FMN1: variants seen among roughly 807,000 people sequenced by gnomAD.
FMN1 encodes the protein formin-1.
A neutral mutation model predicts 132.4 loss-of-function variants in FMN1; 110 were observed. The observed-to-expected ratio is 0.83, with a 90% CI of 0.71 to 0.97. FMN1 has a LOEUF of 0.97. Ranked by LOEUF, FMN1 falls within the 50% of genes least tolerant of loss-of-function variation. The probability of loss-of-function intolerance (pLI) is 0.00; values close to 1 mark genes in which losing one functional copy is unlikely to be tolerated. For missense variants in FMN1, 1,792 were observed against 1,705.3 expected, an observed-to-expected ratio of 1.05 and a Z score of -0.90; for synonymous variants, 722 against 651.7, an observed-to-expected ratio of 1.11 and a Z score of -1.64.
chr15:32,897,471 C>T (rs936162388), intron 15 of FMN1, among the ~76,000 whole-genome samples: 2 of 151,992 alleles, frequency 1.3e-5, no homozygotes, highest in African/African-American at 4.8e-5. Flanking sequence ...TATAAAAAGG[C>T]TAGAGACAAA....
At chr15:32,936,516 C>T (rs1357295288) in intron 9 of FMN1, among the ~76,000 whole-genome samples, 2 of 152,118 alleles carry the variant, frequency 1.3e-5, no homozygotes, top group African/African-American at 4.8e-5. Flanking sequence ...GTCTATGGTA[C>T]TGCAGTTTCT....
chr15:32,770,216 G>A lies in FMN1; in HGVS notation c.*4094C>T, dbSNP rs1282042142. On this transcript the variant is annotated 3_prime_UTR_variant, in exon 21 of 21. Coordinates refer to ENST00000616417, the MANE Select transcript of FMN1 (RefSeq NM_001277313.2). ...CGGTCAATGTTACAGCCTGGTTCCT[G>A]GAAAAAGAGCCTGCAAGCGTGCATT... 6.6e-6 allele frequency: 1 copy of A among 152,100 alleles called. No homozygotes were observed. Among genetic ancestry groups the A allele is most frequent in the Admixed American group, 6.6e-5 (1 of 15,266 alleles). The allele number at this position is 152,100 out of a possible 1,614,324, so 9.4% of individuals were successfully genotyped here.
At chr15:32,806,173 G>A (rs2141016060) in intron 17 of FMN1, among the ~76,000 whole-genome samples, 1 of 152,262 alleles carries the variant, frequency 6.6e-6, no homozygotes, top group East Asian at 1.9e-4. Context: ...GGGCTACAAT[G>A]ATGTAAAATG....
chr15:32,802,047 G>T (rs2057499414), intron 18 of FMN1, among the ~76,000 whole-genome samples: 1 of 152,168 alleles, frequency 6.6e-6, no homozygotes, highest in Admixed American at 6.5e-5. Flanking sequence ...CTAATATACA[G>T]GAAACAAAGG....
chr15:33,001,212 G>A (rs1018780930), intron 7 of FMN1, among the ~76,000 whole-genome samples: 1 of 152,176 alleles, frequency 6.6e-6, no homozygotes, highest in African/African-American at 2.4e-5. Context: ...AAATCTGGGA[G>A]GCGGAGGTTG....
intron 6 of FMN1, among the ~76,000 whole-genome samples, chr15:33,052,003 A>G (rs1566868785): frequency 6.6e-6 from 1 of 152,110 alleles, no homozygotes; most frequent in Non-Finnish European, 1.5e-5. Context: ...TTCGTCTCTC[A>G]CTCTGCTGCC....
intron 10 of FMN1, among the ~76,000 whole-genome samples, chr15:32,918,142 T>C (rs1464885928): frequency 1.3e-5 from 2 of 152,098 alleles, no homozygotes; most frequent in Admixed American, 6.5e-5. Flanking sequence ...GAAAATACCT[T>C]ACCTTAAATA....
At chr15:33,094,431 G>T (rs1328042962) in intron 4 of FMN1, among the ~76,000 whole-genome samples, 1 of 152,148 alleles carries the variant, frequency 6.6e-6, no homozygotes. Flanking sequence ...TTTTGTCAGA[G>T]AAGATAAGGA....
At chr15:33,188,057 G>A (rs998518272) in intron 2 of FMN1, among the ~76,000 whole-genome samples, 8 of 152,110 alleles carry the variant, frequency 5.3e-5, no homozygotes, top group East Asian at 3.9e-4. Context: ...AACTTTGGCC[G>A]GGCACGGTGG....
chr15:33,061,323 G>C (rs536629895), intron 6 of FMN1, among the ~76,000 whole-genome samples: 2 of 152,158 alleles, frequency 1.3e-5, no homozygotes, highest in South Asian at 4.2e-4. Flanking sequence ...GAGCACATTA[G>C]ATTTCTAAGA....
rs1175252763 is a variant in FMN1, at chr15:32,963,418, C to T, written c.3138+689G>A. Among the ~76,000 whole-genome samples, 7 of 151,690 alleles carry T rather than the reference C, an allele frequency of 4.6e-5. No homozygotes were observed. In the South Asian group the frequency reaches 6.2e-4, roughly 14 times the overall value. ...CTAGATGACGCGTTAGTGGGTGCAG[C>T]GCACCAGCATGGCACATGTATACAT... On this transcript the variant is annotated intron_variant, in intron 9 of 20. Coordinates refer to ENST00000616417, the MANE Select transcript of FMN1 (RefSeq NM_001277313.2).
chr15:32,901,418 C>G (rs1026182431), intron 13 of FMN1, among the ~76,000 whole-genome samples: 2 of 152,184 alleles, frequency 1.3e-5, no homozygotes, highest in Admixed American at 6.5e-5. Flanking sequence ...TAGAATTTAA[C>G]CTTATAATGA....
chr15:33,021,504 G>C (rs543721161), intron 6 of FMN1, among the ~76,000 whole-genome samples: 1 of 152,144 alleles, frequency 6.6e-6, no homozygotes, highest in Non-Finnish European at 1.5e-5. Context: ...TGGGAGACAT[G>C]AATAGGCTTA....
chr15:33,168,046 A>C (rs1965178137), intron 3 of FMN1, among the ~76,000 whole-genome samples: 2 of 152,200 alleles, frequency 1.3e-5, no homozygotes, highest in African/African-American at 4.8e-5. Flanking sequence ...GCCAACTGTA[A>C]TTCTCATAGT....
intron 5 of FMN1, among the ~76,000 whole-genome samples, chr15:33,076,682 A>C (rs575662959): frequency 6.6e-6 from 1 of 152,240 alleles, no homozygotes; most frequent in African/African-American, 2.4e-5. Flanking sequence ...TTACTGTCCA[A>C]TGAAACTTTC....
At chr15:33,067,101 T>A in intron 5 of FMN1, 1 of 1,614,022 alleles carries the variant, frequency 6.2e-7, no homozygotes, top group Non-Finnish European at 8.5e-7. Context: ...ACTTCTTTTT[T>A]AGAAGAGGCA....
At chr15:32,939,792 A>C (rs1008665428) in intron 9 of FMN1, among the ~76,000 whole-genome samples, 3 of 152,204 alleles carry the variant, frequency 2.0e-5, no homozygotes, top group Admixed American at 6.6e-5. Context: ...ATATTTATTT[A>C]CTGAACGCTG....
chr15:32,931,340 GTTAT>G (rs1180970377), intron 9 of FMN1, among the ~76,000 whole-genome samples: 5 of 152,154 alleles, frequency 3.3e-5, no homozygotes, highest in African/African-American at 9.7e-5. Flanking sequence ...TGTCTTTACA[GTTAT>G]TTGTGTCTTC....
At chr15:32,888,765 C>T (rs2059954782) in intron 15 of FMN1, among the ~76,000 whole-genome samples, 1 of 152,056 alleles carries the variant, frequency 6.6e-6, no homozygotes, top group South Asian at 2.1e-4. Context: ...CCTCCCATCA[C>T]CTTTCCTCAC....
Sources: gnomAD v4.1 joint callset for allele counts (sites outside exome capture counted in the v4.1 genomes callset) on GRCh38, gnomAD v4.1.1 for gene constraint, MANE v1.5 for transcripts, NCBI Gene and HGNC (gene_info 2026-07-23, HGNC 2026-07-21) for gene names.